DLGAP4: variants seen among roughly 807,000 people sequenced by gnomAD.
DLGAP4 encodes the protein DLG associated protein 4, also known as disks large-associated protein 4.
In DLGAP4, 18 loss-of-function variants were observed where a neutral mutation model predicts 86.9. The observed-to-expected ratio is 0.21, with a 90% confidence interval of 0.14 to 0.31. The LOEUF (loss-of-function observed/expected upper bound fraction) is 0.31, where lower values mean the gene tolerates loss of function less well. Ranked by LOEUF, DLGAP4 falls within the 10% of genes least tolerant of loss-of-function variation. The pLI is 1.00. For synonymous variants in DLGAP4, 548 were observed against 574.3 expected, an observed-to-expected ratio of 0.95 and a Z score of 0.65; for missense variants, 1,085 against 1,362.6, an observed-to-expected ratio of 0.80 and a Z score of 3.21.
At chr20:36,330,603 C>T (rs1254980081) in intron 1 of DLGAP4, among the ~76,000 whole-genome samples, 7 of 151,112 alleles carry the variant, frequency 4.6e-5, no homozygotes, top group Admixed American at 3.3e-4. Flanking sequence ...AACTCCTTTC[C>T]CCTCTGTCAC....
At chr20:36,441,905 G>C (rs1600534507) in intron 5 of DLGAP4, among the ~76,000 whole-genome samples, 1 of 152,074 alleles carries the variant, frequency 6.6e-6, no homozygotes, top group Non-Finnish European at 1.5e-5. Context: ...ACACAAAAAG[G>C]CTTATTAATC....
intron 5 of DLGAP4, among the ~76,000 whole-genome samples, chr20:36,440,567 A>G (rs529498641): frequency 1.7e-4 from 26 of 152,148 alleles, no homozygotes; most frequent in East Asian, 1.6e-3. Context: ...CTTGTTATCC[A>G]TATCCCCATT....
At chr20:36,336,812 C>T (rs1555892148) in intron 1 of DLGAP4, among the ~76,000 whole-genome samples, 1 of 152,132 alleles carries the variant, frequency 6.6e-6, no homozygotes, top group Non-Finnish European at 1.5e-5. Context: ...GAGTGGGCGT[C>T]AGTCCAGCTT....
chr20:36,413,331 G>A (rs888477723), intron 2 of DLGAP4, among the ~76,000 whole-genome samples: 2 of 149,654 alleles, frequency 1.3e-5, no homozygotes, highest in Non-Finnish European at 3.0e-5. Context: ...CCATTAAGTA[G>A]TCACTCCCCA....
chr20:36,520,328 G>A (rs955696928), intron 10 of DLGAP4, among the ~76,000 whole-genome samples: 7 of 151,824 alleles, frequency 4.6e-5, no homozygotes, highest in Non-Finnish European at 8.8e-5. Flanking sequence ...CATTCTGTGC[G>A]TTGGCTTCAT....
chr20:36,455,661 G>A (rs1255341770), intron 7 of DLGAP4, among the ~76,000 whole-genome samples: 1 of 152,066 alleles, frequency 6.6e-6, no homozygotes, highest in Admixed American at 6.6e-5. Context: ...TTGGTTTGGG[G>A]ACCCACAGGT....
At chr20:36,490,933 G>A (rs2035634497) in intron 7 of DLGAP4, among the ~76,000 whole-genome samples, 1 of 151,658 alleles carries the variant, frequency 6.6e-6, no homozygotes, top group African/African-American at 2.4e-5. Context: ...GGTGGCTCAC[G>A]CCTGTAATCC....
intron 7 of DLGAP4, among the ~76,000 whole-genome samples, chr20:36,459,215 C>T (rs1035184012): frequency 2.0e-5 from 3 of 152,176 alleles, no homozygotes; most frequent in African/African-American, 7.2e-5. Flanking sequence ...GGACCCAGTA[C>T]TGGAGTACAG....
chr20:36,478,706 G>C (rs1452492970), intron 7 of DLGAP4, among the ~76,000 whole-genome samples: 1 of 152,178 alleles, frequency 6.6e-6, no homozygotes, highest in African/African-American at 2.4e-5. Context: ...TTTACTACTT[G>C]TGAGGCTGGA....
chr20:36,360,346 GC>G (rs1339743563), intron 1 of DLGAP4, among the ~76,000 whole-genome samples: 2 of 152,082 alleles, frequency 1.3e-5, no homozygotes, highest in African/African-American at 4.8e-5. Context: ...AGCCTCAGTT[GC>G]CCTTTCCACC....
chr20:36,491,770 A>G (rs1307924161), intron 7 of DLGAP4, among the ~76,000 whole-genome samples: 1 of 152,214 alleles, frequency 6.6e-6, no homozygotes, highest in Non-Finnish European at 1.5e-5. Context: ...CCTTTGCTAT[A>G]TGGCCAAATA....
chr20:36,325,294 G>C (rs1185197028), intron 1 of DLGAP4, among the ~76,000 whole-genome samples: 1 of 151,840 alleles, frequency 6.6e-6, no homozygotes, highest in African/African-American at 2.4e-5. Context: ...ATTGTTTTTA[G>C]TTTAATTCCA....
At chr20:36,334,821 C>T (rs928222350) in intron 1 of DLGAP4, among the ~76,000 whole-genome samples, 9 of 151,984 alleles carry the variant, frequency 5.9e-5, no homozygotes, top group Non-Finnish European at 8.8e-5. Flanking sequence ...GCAGCTGGGT[C>T]GCCGGCACAG....
intron 2 of DLGAP4, among the ~76,000 whole-genome samples, chr20:36,371,625 CACCACGGG>C (rs2030939976): frequency 6.6e-6 from 1 of 152,222 alleles, no homozygotes; most frequent in Non-Finnish European, 1.5e-5. Context: ...ATTTGTCCAT[CACCACGGG>C]ACCAGTTAAA....
intron 2 of DLGAP4, among the ~76,000 whole-genome samples, chr20:36,386,888 G>C (rs1017329672): frequency 9.2e-5 from 14 of 152,110 alleles, no homozygotes; most frequent in African/African-American, 3.4e-4. Flanking sequence ...TAATATATTT[G>C]CATTTTTCTT....
At chr20:36,406,578 T>A (rs2032329824) in intron 2 of DLGAP4, among the ~76,000 whole-genome samples, 1 of 151,764 alleles carries the variant, frequency 6.6e-6, no homozygotes. Context: ...TGTGGGGACC[T>A]CCAGGGGGCT....
intron 2 of DLGAP4, among the ~76,000 whole-genome samples, chr20:36,409,976 G>C (rs576513897): frequency 2.0e-5 from 3 of 150,918 alleles, no homozygotes; most frequent in East Asian, 3.9e-4. Flanking sequence ...GGAGCTTGCA[G>C]TGAGCCGAGA....
At chr20:36,384,001 GAAAGAA>G (rs1452332675) in intron 2 of DLGAP4, among the ~76,000 whole-genome samples, 1 of 147,614 alleles carries the variant, frequency 6.8e-6, no homozygotes. Context: ...AAAAAAAAAA[GAAAGAA>G]AAAGAAATAG....
chr20:36,528,159 C>G lies in DLGAP4; in HGVS notation c.*1128C>G, dbSNP rs2037882540. The G allele has an allele frequency of 6.6e-6, 1 of 151,336 alleles. No individual in the cohort carries two copies. Among genetic ancestry groups the G allele is most frequent in the South Asian group, 2.1e-4 (1 of 4,802 alleles). The allele number at this position is 151,336 out of a possible 1,614,324, so 9.4% of individuals were successfully genotyped here. On this transcript the variant is annotated 3_prime_UTR_variant, in exon 13 of 13. Transcript: ENST00000339266. ...CCCTTTTTTTTTTTGGTCTCCACCC[C>G]CCTCCCCCCGCCCCGCACTCCTAAG...
Sources: allele counts gnomAD v4.1 joint callset (sites outside exome capture counted in the v4.1 genomes callset), GRCh38; gene constraint gnomAD v4.1.1; transcripts MANE v1.5; gene names NCBI Gene and HGNC (gene_info 2026-07-23, HGNC 2026-07-21).